The following LIN28B variants were observed in gnomAD, a reference collection of about 807,000 sequenced individuals.
LIN28B encodes the protein lin-28 RNA binding posttranscriptional regulator B.
Under a neutral mutation model 21.9 loss-of-function variants are expected in LIN28B, and 5 were observed. That is an observed-to-expected ratio of 0.23 (90% confidence interval 0.12 to 0.48). The LOEUF is 0.48. Ranked by LOEUF, LIN28B falls within the 20% of genes least tolerant of loss-of-function variation. LIN28B has a pLI of 0.98. For synonymous variants in LIN28B, 109 were observed against 111.3 expected (o/e 0.98, Z 0.13); for missense variants, 245 against 310.5 (o/e 0.79, Z 1.58).
chr6:104,962,178 C>G (rs1392613381), intron 2 of LIN28B, among the ~76,000 whole-genome samples: 2 of 151,982 alleles, frequency 1.3e-5, no homozygotes, highest in Non-Finnish European at 2.9e-5. Flanking sequence ...CTTGGCATTC[C>G]TTGCCATCAA....
chr6:105,060,452 C>T (rs983455803), intron 3 of LIN28B, among the ~76,000 whole-genome samples: 13 of 151,890 alleles, frequency 8.6e-5, no homozygotes, highest in East Asian at 1.9e-4. Context: ...TTTGTTTGTT[C>T]GTTTCATTTA....
Position 105,079,935 on chromosome 6 carries a change from T to TA in LIN28B, c.*1153dup, listed in dbSNP as rs1772509427. On this transcript the variant is annotated 3_prime_UTR_variant, in exon 4 of 4. Transcript: ENST00000345080. ...CCCAATATATATGACCTGCAAATGATACGAAAAAGTGCAGCATTTAGTGGC... is the reference window on the plus strand; with the variant it reads ...CCCAATATATATGACCTGCAAATGATAACGAAAAAGTGCAGCATTTAGTGGC... 6.6e-6 allele frequency: 1 copy of TA among 152,292 alleles called. No homozygotes were observed. The highest frequency in any genetic ancestry group is 1.9e-4 in the East Asian group (1 of 5,182). 9.4% of individuals were successfully genotyped at this position (152,292 alleles called of 1,614,324 possible). A position where few individuals can be genotyped will look rare whatever the true frequency, so the allele number is the denominator to read the frequency against.
At chr6:105,046,159 G>A (rs964627084) in intron 3 of LIN28B, among the ~76,000 whole-genome samples, 2 of 151,808 alleles carry the variant, frequency 1.3e-5, no homozygotes, top group African/African-American at 4.8e-5. Flanking sequence ...AATGCTATCC[G>A]TCCCCCCTCC....
chr6:104,970,651 A>G (rs1769957904), intron 2 of LIN28B, among the ~76,000 whole-genome samples: 1 of 152,156 alleles, frequency 6.6e-6, no homozygotes. Context: ...TTTTAGCATC[A>G]TTTGAGGTTT....
chr6:104,957,163 A>T lies in LIN28B; in HGVS notation c.-88A>T. On this transcript the variant is annotated 5_prime_UTR_variant, in exon 1 of 4. Coordinates refer to ENST00000345080, the MANE Select transcript of LIN28B (RefSeq NM_001004317.4). ...GCTAAATTTGTGATCGCACAAAATC[A>T]AGATGTTAGATTGATGCAGAAGATC... 1.2e-6 allele frequency: 2 copies of T among 1,612,972 alleles called. No homozygotes were observed. The highest frequency in any genetic ancestry group is 3.3e-5 in the Admixed American group (2 of 59,908).
chr6:104,971,841 C>T (rs1190346997), intron 2 of LIN28B, among the ~76,000 whole-genome samples: 1 of 152,132 alleles, frequency 6.6e-6, no homozygotes, highest in African/African-American at 2.4e-5. Flanking sequence ...TCTTTCAAAT[C>T]CATGATCCTC....
chr6:104,950,182 A>G lies in LIN28B; in HGVS notation c.19-279A>G, dbSNP rs1054364677. Among the ~76,000 whole-genome samples, 6 of 152,096 alleles carry G rather than the reference A, an allele frequency of 3.9e-5. No individual in the cohort carries two copies. In the East Asian group the frequency reaches 9.6e-4, roughly 24 times the overall value. ...AATTAAATATTAAAATTTAAACTGC[A>G]TTGTTCGTGATATTGGGATCTTTTG... On this transcript the variant is annotated intron_variant, in intron 2 of 5. Coordinates refer to the LIN28B transcript ENST00000635857.
At chr6:104,996,985 T>C (rs1425139427) in intron 2 of LIN28B, among the ~76,000 whole-genome samples, 2 of 151,664 alleles carry the variant, frequency 1.3e-5, no homozygotes, top group Non-Finnish European at 2.9e-5. Flanking sequence ...CCTTGGTTTT[T>C]AAAAGGAAAA....
At chr6:104,957,319 C>T in intron 1 of LIN28B, 59 bp downstream of exon 1, 1 of 1,153,920 alleles carries the variant, frequency 8.7e-7, no homozygotes, top group Non-Finnish European at 1.2e-6. Context: ...TCCTCCCCCT[C>T]CCCCTCTCCC....
At chr6:105,009,313 A>T (rs1027982101) in intron 2 of LIN28B, among the ~76,000 whole-genome samples, 82 of 152,310 alleles carry the variant, frequency 5.4e-4, no homozygotes, top group Admixed American at 2.0e-4. Flanking sequence ...AAATATATTT[A>T]AAAATATAAA....
chr6:104,986,411 C>G (rs1582879548), intron 2 of LIN28B, among the ~76,000 whole-genome samples: 1 of 151,968 alleles, frequency 6.6e-6, no homozygotes, highest in Non-Finnish European at 1.5e-5. Flanking sequence ...ATTATTGTTA[C>G]TTTATAGTAA....
intron 3 of LIN28B, among the ~76,000 whole-genome samples, chr6:105,058,779 T>G (rs1342272799): frequency 6.6e-6 from 1 of 152,242 alleles, no homozygotes. Context: ...GTCATTTTAA[T>G]GTATGGTTGT....
Position 104,969,377 on chromosome 6 carries a change from A to T in LIN28B, c.198+11091A>T, listed in dbSNP as rs73519929. Among the ~76,000 whole-genome samples, 950 of 152,168 alleles carry T rather than the reference A, an allele frequency of 6.2e-3. 9 individuals are homozygous for T. The highest frequency in any genetic ancestry group is 0.022 in the African/African-American group (909 of 41,518). On this transcript the variant is annotated intron_variant, in intron 2 of 3. Transcript: ENST00000345080. Reference sequence around the variant, plus strand: ...AGCCACAGAAGCCAGGGTCAGAACTATTCATTGCTTATCTTTTCCTTGGGC... The same window carrying T: ...AGCCACAGAAGCCAGGGTCAGAACTTTTCATTGCTTATCTTTTCCTTGGGC...
intron 3 of LIN28B, among the ~76,000 whole-genome samples, chr6:105,038,308 G>T (rs753262085): frequency 3.9e-5 from 6 of 152,150 alleles, no homozygotes; most frequent in Non-Finnish European, 5.9e-5. Flanking sequence ...ATCAGAGCTT[G>T]CAGGGAATTC....
intron 2 of LIN28B, among the ~76,000 whole-genome samples, chr6:104,946,409 T>C (rs1778156680): frequency 6.6e-6 from 1 of 152,176 alleles, no homozygotes; most frequent in Admixed American, 6.5e-5. Context: ...AGGCAGCATT[T>C]GAATTTAGTC....
intron 3 of LIN28B, among the ~76,000 whole-genome samples, chr6:105,051,043 T>A (rs1771891275): frequency 6.6e-6 from 1 of 151,046 alleles, no homozygotes; most frequent in Non-Finnish European, 1.5e-5. Flanking sequence ...AGCAAGACCT[T>A]AGATTAAAAA....
At chr6:105,061,867 G>T (rs548995552) in intron 3 of LIN28B, among the ~76,000 whole-genome samples, 68 of 150,534 alleles carry the variant, frequency 4.5e-4, no homozygotes, top group South Asian at 1.3e-3. Flanking sequence ...AAACTTAGGG[G>T]TTTTTTTTTC....
intron 3 of LIN28B, among the ~76,000 whole-genome samples, chr6:105,065,227 A>G (rs530521086): frequency 1.3e-5 from 2 of 152,200 alleles, no homozygotes; most frequent in African/African-American, 2.4e-5. Flanking sequence ...GGCTTTAGTC[A>G]TAAAAAGATT....
Position 104,950,535 on chromosome 6 carries a change from T to C in LIN28B, c.67+26T>C, listed in dbSNP as rs544979849. The C allele has an allele frequency of 8.6e-4, 1,003 of 1,172,182 alleles. 7 individuals carry two copies. Among genetic ancestry groups the C allele is most frequent in the Non-Finnish European group, 4.0e-4 (373 of 935,082 alleles). 72.6% of individuals were successfully genotyped at this position (1,172,182 alleles called of 1,614,324 possible). A position where few individuals can be genotyped will look rare whatever the true frequency, so the allele number is the denominator to read the frequency against. On this transcript the variant is annotated intron_variant, in intron 3 of 5. Coordinates refer to the LIN28B transcript ENST00000635857. ...GTTAGTCTTTTTTTTTTTTTTTAAA[T>C]ATTTTGTTTAATTAATGTTTTAAAA...
Sources: allele counts gnomAD v4.1 joint callset (sites outside exome capture counted in the v4.1 genomes callset), GRCh38; gene constraint gnomAD v4.1.1; transcripts MANE v1.5; gene names NCBI Gene and HGNC (gene_info 2026-07-23, HGNC 2026-07-21).